The following ALS2 variants were observed in gnomAD, a reference collection of about 807,000 sequenced individuals.
ALS2 encodes alsin.
In ALS2, 117 loss-of-function variants were observed where a neutral mutation model predicts 203.4. The observed-to-expected ratio is 0.58, with a 90% CI of 0.50 to 0.67. ALS2 has a LOEUF of 0.67. Ranked by LOEUF, ALS2 falls within the 30% of genes least tolerant of loss-of-function variation. The pLI, the probability that ALS2 is intolerant of heterozygous loss-of-function variation, is 0.00. For missense variants in ALS2, 1,715 were observed against 1,989.4 expected (o/e 0.86, Z 2.62); for synonymous variants, 718 against 725.9 (o/e 0.99, Z 0.17).
chr2:201,715,432 C>T (rs1690309925), intron 25 of ALS2, among the ~76,000 whole-genome samples: 1 of 152,198 alleles, frequency 6.6e-6, no homozygotes, highest in Non-Finnish European at 1.5e-5. Context: ...AGGTTTTCTT[C>T]CTCAATCTAC....
intron 27 of ALS2, among the ~76,000 whole-genome samples, chr2:201,709,459 A>G (rs2105971316): frequency 6.6e-6 from 1 of 152,338 alleles, no homozygotes; most frequent in South Asian, 2.1e-4. Context: ...CGCTCCATAA[A>G]TATTTGTTAA....
intron 31 of ALS2, 54 bp downstream of exon 31, chr2:201,705,085 A>G (rs1438935476): frequency 1.3e-6 from 2 of 1,523,708 alleles, no homozygotes; most frequent in African/African-American, 2.7e-5. Context: ...ATAATATCTT[A>G]ATAGACCAAG....
chr2:201,738,600 G>T, intron 12 of ALS2, 70 bp downstream of exon 12: 1 of 1,463,308 alleles, frequency 6.8e-7, no homozygotes, highest in Non-Finnish European at 9.6e-7. Flanking sequence ...CTGAGCACTC[G>T]AAAACAGAGC....
At chr2:201,758,666 T>C (rs1693550092) in intron 4 of ALS2, among the ~76,000 whole-genome samples, 1 of 152,112 alleles carries the variant, frequency 6.6e-6, no homozygotes, top group African/African-American at 2.4e-5. Context: ...ATTGAAAAAT[T>C]TGCTTCTTAT....
chr2:201,769,510 C>T (rs1432514114), intron 1 of ALS2, among the ~76,000 whole-genome samples: 1 of 152,136 alleles, frequency 6.6e-6, no homozygotes, highest in African/African-American at 2.4e-5. Context: ...ACCAACATGC[C>T]TCATAACCCA....
intron 13 of ALS2, among the ~76,000 whole-genome samples, chr2:201,729,749 C>T (rs576851943): frequency 1.3e-5 from 2 of 151,816 alleles, no homozygotes; most frequent in East Asian, 1.9e-4. Flanking sequence ...GGTGTGGTGG[C>T]GGGCGCCTGT....
intron 1 of ALS2, among the ~76,000 whole-genome samples, chr2:201,772,120 G>C (rs1694417578): frequency 6.6e-6 from 1 of 152,116 alleles, no homozygotes. Context: ...AAAACCCCAG[G>C]GGGCCCTTTA....
Position 201,726,816 on chromosome 2 carries a change from C to T in ALS2, c.3030G>A (p.Gly1010=). 3 of 1,614,178 alleles carry T rather than the reference C, an allele frequency of 1.9e-6. No homozygotes were observed. The highest frequency in any genetic ancestry group is 2.5e-6 in the Non-Finnish European group (3 of 1,180,026). The part of the protein sequence containing the change: ...ISQAVDQALR[G]MSDLPPYGSG... ...TTCCATAAGGGGGGAGATCAGACAT[C>T]CCTCTCAAAGCCTGATCTACGGCTT... The change falls in exon 18 of 34, where the codon GGG becomes GGA. Residue 1010 remains glycine (G), a synonymous_variant. Transcript: ENST00000264276.
chr2:201,755,880 TAG>T (rs751145412), intron 5 of ALS2, among the ~76,000 whole-genome samples: 4 of 152,200 alleles, frequency 2.6e-5, no homozygotes, highest in African/African-American at 9.7e-5. Context: ...TGTCACTCAG[TAG>T]AGACTTAGTC....
intron 3 of ALS2, among the ~76,000 whole-genome samples, 159 bp downstream of exon 3, chr2:201,767,070 T>C (rs998403138): frequency 6.6e-6 from 1 of 150,962 alleles, no homozygotes; most frequent in Non-Finnish European, 1.5e-5. Context: ...TGTGCACATG[T>C]ACCCTAAAAC....
Position 201,733,332 on chromosome 2 carries a change from T to C in ALS2, c.2524A>G (p.Arg842Gly). The part of the protein sequence containing the change: ...ILNTLFFLPI[R>G]RLHNYAKVLL... ...ACTTTTGCGTAATTATGAAGTCGTCTGATTGGCAAGAAAAACAAAGTATTC... is the reference window on the plus strand; with the variant it reads ...ACTTTTGCGTAATTATGAAGTCGTCCGATTGGCAAGAAAAACAAAGTATTC... The change falls in exon 13 of 34, where the codon AGA becomes GGA. Residue 842 changes from arginine (R) to glycine (G), a missense_variant. Arg to Gly is a moderately radical substitution (Grantham distance 125). This residue lies in a region of ALS2 where 1,227 missense variants were observed against 1,413.5 expected (regional missense o/e 0.87). Transcript: ENST00000264276. 1 of 1,613,946 alleles carries C rather than the reference T, an allele frequency of 6.2e-7. No individual in the cohort carries two copies. Among genetic ancestry groups the C allele is most frequent in the Non-Finnish European group, 8.5e-7 (1 of 1,179,930 alleles).
At chr2:201,712,413 A>C (rs4675221) in intron 25 of ALS2, among the ~76,000 whole-genome samples, 136,105 of 152,216 alleles carry the variant, frequency 0.89, 61,064 homozygotes, top group East Asian at 0.98. Context: ...TATTCAGAAC[A>C]AACATTTACA....
intron 1 of ALS2, among the ~76,000 whole-genome samples, chr2:201,773,777 C>T (rs963537434): frequency 9.2e-5 from 14 of 152,206 alleles, no homozygotes; most frequent in African/African-American, 3.1e-4. Flanking sequence ...GGAGCTCCTG[C>T]GCCTGGAAGT....
rs143317076 is a variant in ALS2 at position 201,726,434 on chromosome 2, C to T, written c.3248+50G>A. 24,759 of 1,468,126 alleles carry T rather than the reference C, an allele frequency of 0.017. 267 individuals carry two copies. The highest frequency in any genetic ancestry group is 0.027 in the Middle Eastern group (155 of 5,826). The allele number at this position is 1,468,126 out of a possible 1,614,324, so 90.9% of individuals were successfully genotyped here. A position where few individuals can be genotyped will look rare whatever the true frequency, so the allele number is the denominator to read the frequency against. ...TCTGCATACAAAATAACATAATTTACGACCTTACCGAACTTGAATTTACTG... is the reference window on the plus strand; with the variant it reads ...TCTGCATACAAAATAACATAATTTATGACCTTACCGAACTTGAATTTACTG... On this transcript the variant is annotated intron_variant, in intron 19 of 33. Coordinates refer to ENST00000264276, the MANE Select transcript of ALS2 (RefSeq NM_020919.4).
intron 8 of ALS2, among the ~76,000 whole-genome samples, chr2:201,747,055 T>A (rs559436043): frequency 4.6e-5 from 7 of 152,224 alleles, no homozygotes; most frequent in African/African-American, 1.7e-4. Flanking sequence ...GACTGTATTA[T>A]AATGAAGAGA....
rs1379012022 is a variant in ALS2 at position 201,725,420 on chromosome 2, T to G, written c.3283A>C (p.Asn1095His). Residue 1095 changes from asparagine to histidine, a missense_variant, in exon 20 of 34, where the codon AAC becomes CAC. Coordinates refer to ENST00000264276, the MANE Select transcript of ALS2 (RefSeq NM_020919.4). ...GEYRIPNKAMNKEDHYVGHWK... is the reference protein window; with the variant it reads ...GEYRIPNKAMHKEDHYVGHWK... ...TGGCCCACATAATGGTCTTCTTTGT[T>G]CATTGCCTTGTTTGGGATTCTGTAT... 6.2e-7 allele frequency: 1 copy of G among 1,614,124 alleles called. No homozygotes were observed. The highest frequency in any genetic ancestry group is 1.7e-5 in the Admixed American group (1 of 60,022).
At chr2:201,768,824 G>A in intron 2 of ALS2, 42 bp downstream of exon 2, 1 of 1,598,516 alleles carries the variant, frequency 6.3e-7, no homozygotes, top group Non-Finnish European at 8.6e-7. Context: ...TGTTTGCTAT[G>A]TTTTCCTAGG....
chr2:201,716,260 T>C (rs771941151), intron 24 of ALS2, among the ~76,000 whole-genome samples: 2 of 151,292 alleles, frequency 1.3e-5, no homozygotes, highest in Non-Finnish European at 3.0e-5. Context: ...ACACAAAAAA[T>C]TGGCTGGGCA....
chr2:201,703,524 T>C (rs1411929702), intron 33 of ALS2, among the ~76,000 whole-genome samples: 1 of 152,224 alleles, frequency 6.6e-6, no homozygotes, highest in Admixed American at 6.5e-5. Flanking sequence ...AGAGTAGGTC[T>C]ATTCTTTCTC....
Sources: gnomAD v4.1 joint callset for allele counts (sites outside exome capture counted in the v4.1 genomes callset) on GRCh38, gnomAD v4.1.1 for gene constraint, gnomAD v4.1.1 regional missense constraint, MANE v1.5 for transcripts, NCBI Gene and HGNC (gene_info 2026-07-23, HGNC 2026-07-21) for gene names.